RBM17: variants seen among roughly 807,000 people sequenced by gnomAD.
The protein encoded by RBM17 is splicing factor 45.
A neutral mutation model predicts 53.2 loss-of-function variants in RBM17; 7 were observed. That is an observed-to-expected ratio of 0.13 (90% confidence interval 0.07 to 0.25). The LOEUF is 0.25. RBM17 is among the 10% of genes least tolerant of loss of function. The probability of loss-of-function intolerance (pLI) is 1.00; values close to 1 mark genes in which losing one functional copy is unlikely to be tolerated. For missense variants in RBM17, 257 were observed against 496.7 expected (o/e 0.52, Z 4.59); for synonymous variants, 167 against 178.1 (o/e 0.94, Z 0.50).
At chr10:6,115,213 C>G in intron 10 of RBM17, 26 bp from the exon 11 acceptor site, 1 of 1,589,154 alleles carries the variant, frequency 6.3e-7, no homozygotes, top group South Asian at 1.1e-5. Flanking sequence ...AATGCCTTTA[C>G]TCATCACGCT....
At chr10:6,099,989 C>T (rs889727414) in intron 2 of RBM17, among the ~76,000 whole-genome samples, 3 of 151,766 alleles carry the variant, frequency 2.0e-5, no homozygotes, top group Admixed American at 6.6e-5. Context: ...ACCTGGGAGG[C>T]GGAGGTTGCA....
chr10:6,098,563 G>GTGTTTTTTTTTTTT (rs1554834988), intron 2 of RBM17, among the ~76,000 whole-genome samples: 1 of 46,640 alleles, frequency 2.1e-5, no homozygotes, highest in African/African-American at 8.0e-5. Context: ...CAGGTTTTTT[G>GTGTTTTTTTTTTTT]TTTTTTTTTT....
chr10:6,106,705 C>T (rs553822453), intron 5 of RBM17, among the ~76,000 whole-genome samples: 5 of 152,244 alleles, frequency 3.3e-5, no homozygotes, highest in Admixed American at 2.6e-4. Context: ...ATTTGTAGGT[C>T]TCATTTTTCC....
At chr10:6,092,999 CATT>C (rs1840510655) in intron 1 of RBM17, among the ~76,000 whole-genome samples, 1 of 152,172 alleles carries the variant, frequency 6.6e-6, no homozygotes, top group Admixed American at 6.5e-5. Flanking sequence ...CATAAAATCT[CATT>C]AATTCACTAT....
chr10:6,094,311 TTGC>T (rs1000013966), intron 1 of RBM17, among the ~76,000 whole-genome samples: 2 of 152,158 alleles, frequency 1.3e-5, no homozygotes, highest in African/African-American at 4.8e-5. Flanking sequence ...GGTCATGTTG[TTGC>T]TCGGAACGTT....
Position 6,113,603 on chromosome 10 carries a change from G to A in RBM17, c.930+22G>A, listed in dbSNP as rs79655939. ...AAGGGTAAGAAGCTGAGGAAAGCAA[G>A]CTCTCTGCCTGCCTAGATTTGTGTG... On this transcript the variant is annotated intron_variant, in intron 9 of 11. Coordinates refer to ENST00000379888, the MANE Select transcript of RBM17 (RefSeq NM_032905.5). The A allele has an allele frequency of 5.3e-3, 7,959 of 1,515,466 alleles. 31 individuals carry two copies. The highest frequency in any genetic ancestry group is 0.015 in the Middle Eastern group (86 of 5,860). 93.9% of individuals were successfully genotyped at this position (1,515,466 alleles called of 1,614,324 possible). A position where few individuals can be genotyped will look rare whatever the true frequency, so the allele number is the denominator to read the frequency against.
Position 6,112,870 on chromosome 10 carries a change from T to C in RBM17, c.856+509T>C, listed in dbSNP as rs889052425. The C allele has an allele frequency of 2.9e-5, 5 of 174,982 alleles. No homozygotes were observed. The highest frequency in any genetic ancestry group is 1.2e-4 in the African/African-American group (5 of 41,970). 10.8% of individuals were successfully genotyped at this position (174,982 alleles called of 1,614,324 possible). ...CAGTCTCTTGGTAAATGATGCCTAG[T>C]TGGTGTTTTATTTTCATTTAATTTT... On this transcript the variant is annotated intron_variant, in intron 8 of 11. Coordinates refer to ENST00000379888, the MANE Select transcript of RBM17 (RefSeq NM_032905.5). The surrounding 1 kb of genome is among the most constrained non-coding windows in gnomAD (Gnocchi z 4.4).
intron 7 of RBM17, among the ~76,000 whole-genome samples, chr10:6,111,159 G>A (rs1464903127): frequency 6.6e-6 from 1 of 152,220 alleles, no homozygotes; most frequent in Non-Finnish European, 1.5e-5. Context: ...TGTAGGTGCA[G>A]TTCCAGTTGA....
intron 7 of RBM17, among the ~76,000 whole-genome samples, chr10:6,111,549 A>G (rs1220200688): frequency 6.6e-6 from 1 of 152,200 alleles, no homozygotes. Flanking sequence ...CATGTTGGCC[A>G]GGCTGGTCTT....
At chr10:6,100,261 T>C (rs1284927901) in intron 2 of RBM17, among the ~76,000 whole-genome samples, 1 of 152,120 alleles carries the variant, frequency 6.6e-6, no homozygotes, top group Non-Finnish European at 1.5e-5. Flanking sequence ...AAGAGAAAAA[T>C]TAAACCTTTC....
At position 6,113,502 on chromosome 10, in the gene RBM17, A is replaced by G. The variant is rs748558517; in HGVS notation, c.857-6A>G. 6.2e-7 allele frequency: 1 copy of G among 1,601,834 alleles called. No homozygotes were observed. Among genetic ancestry groups the G allele is most frequent in the South Asian group, 1.1e-5 (1 of 90,834 alleles). On this transcript the variant is annotated splice_region_variant and splice_polypyrimidine_tract_variant and intron_variant, in intron 8 of 11. Coordinates refer to ENST00000379888, the MANE Select transcript of RBM17 (RefSeq NM_032905.5). ...GTAACACATCTAATGGTATGTTTTG[A>G]TACAGATGCATCCAAGAAGTCAGAT...
rs1359552132 is a variant in RBM17, at chr10:6,109,998, T to G, written c.575T>G (p.Phe192Cys). ...VEKDKELPRDFPYEEDSRPRS... is the reference protein window; with the variant it reads ...VEKDKELPRDCPYEEDSRPRS... Reference sequence around the variant, plus strand: ...TTTTCTCCAATAGTACCCCGAGATTTTCCTTATGAAGAGGACTCAAGACCT... The same window carrying G: ...TTTTCTCCAATAGTACCCCGAGATTGTCCTTATGAAGAGGACTCAAGACCT... The change falls in exon 7 of 12, where the codon TTT (phenylalanine) becomes TGT (cysteine). Residue 192 changes from phenylalanine to cysteine, a missense_variant. Physicochemically the swap from Phe to Cys is radical, Grantham distance 205. Around this residue, in one of 6 missense-constraint regions of RBM17, gnomAD observed 68 missense variants for 60.0 expected, o/e 1.13. Coordinates refer to ENST00000379888, the MANE Select transcript of RBM17 (RefSeq NM_032905.5). 2 of 1,606,862 alleles carry G rather than the reference T, an allele frequency of 1.2e-6. No homozygotes were observed. Among genetic ancestry groups the G allele is most frequent in the East Asian group, 2.2e-5 (1 of 44,730 alleles).
At chr10:6,091,859 G>C (rs1482875651) in intron 1 of RBM17, among the ~76,000 whole-genome samples, 1 of 135,400 alleles carries the variant, frequency 7.4e-6, no homozygotes. Context: ...GTTGGGGGGG[G>C]TTAGTTTTAT....
chr10:6,099,481 A>G (rs1295414249), intron 2 of RBM17, among the ~76,000 whole-genome samples: 3 of 152,142 alleles, frequency 2.0e-5, no homozygotes, highest in Non-Finnish European at 4.4e-5. Flanking sequence ...CCCCCTGCCC[A>G]TACCAAAATC....
At chr10:6,113,658 A>G in intron 9 of RBM17, 77 bp downstream of exon 9, 1 of 948,460 alleles carries the variant, frequency 1.1e-6, no homozygotes, top group Admixed American at 2.0e-5. Context: ...GCTCCCCCTA[A>G]AAGTTAAAAC....
intron 1 of RBM17, among the ~76,000 whole-genome samples, chr10:6,091,879 A>G (rs886125591): frequency 6.6e-6 from 1 of 151,898 alleles, no homozygotes; most frequent in African/African-American, 2.4e-5. Flanking sequence ...TGTGGGGGCA[A>G]TAGTCACTAA....
At chr10:6,094,752 A>G (rs1840547434) in intron 1 of RBM17, among the ~76,000 whole-genome samples, 1 of 152,198 alleles carries the variant, frequency 6.6e-6, no homozygotes. Context: ...AGTTCTGGGT[A>G]AGCTGGAAGA....
At chr10:6,100,097 C>T (rs932677556) in intron 2 of RBM17, among the ~76,000 whole-genome samples, 3 of 152,000 alleles carry the variant, frequency 2.0e-5, no homozygotes, top group Admixed American at 6.6e-5. Flanking sequence ...ATCCCCCTTC[C>T]GTTCTGTAAA....
intron 2 of RBM17, among the ~76,000 whole-genome samples, chr10:6,099,820 G>A (rs899837488): frequency 7.2e-5 from 11 of 152,182 alleles, no homozygotes; most frequent in African/African-American, 2.7e-4. Context: ...CACTTTGGGA[G>A]GCCAAGGCGG....
Sources: gnomAD v4.1 joint callset for allele counts (sites outside exome capture counted in the v4.1 genomes callset) on GRCh38, gnomAD v4.1.1 for gene constraint, gnomAD v4.1.1 regional missense constraint, Gnocchi (gnomAD v3.1) non-coding constraint, MANE v1.5 for transcripts, NCBI Gene and HGNC (gene_info 2026-07-23, HGNC 2026-07-21) for gene names.